RAVER2: variants seen among roughly 807,000 people sequenced by gnomAD.
The protein encoded by RAVER2 is ribonucleoprotein, PTB binding 2.
RAVER2 carries 46 observed loss-of-function variants against 78.1 expected under a neutral mutation model. The ratio of observed to expected loss-of-function variants is 0.59; its 90% CI spans 0.46 to 0.75. The LOEUF (loss-of-function observed/expected upper bound fraction) is 0.75. RAVER2 is among the 30% of genes least tolerant of loss of function. The pLI is 0.00. For missense variants in RAVER2, 793 were observed against 837.5 expected (o/e 0.95, Z 0.66); for synonymous variants, 311 against 313.3 (o/e 0.99, Z 0.08).
At chr1:64,827,260 G>C (rs145709867) in intron 11 of RAVER2, among the ~76,000 whole-genome samples, 15 of 152,318 alleles carry the variant, frequency 9.8e-5, no homozygotes, top group Non-Finnish European at 1.5e-4. Context: ...TGAGAGTGAA[G>C]ATGAGGGTGT....
intron 11 of RAVER2, among the ~76,000 whole-genome samples, chr1:64,823,632 A>G (rs1653937419): frequency 6.6e-6 from 1 of 152,160 alleles, no homozygotes; most frequent in African/African-American, 2.4e-5. Context: ...AAACACCTAA[A>G]TCTAACATCT....
intron 1 of RAVER2, among the ~76,000 whole-genome samples, chr1:64,754,290 T>A (rs574317441): frequency 6.6e-6 from 1 of 152,178 alleles, no homozygotes; most frequent in African/African-American, 2.4e-5. Flanking sequence ...TTATCTCCCA[T>A]TGTATTATAA....
chr1:64,791,456 C>A (rs971594071), intron 5 of RAVER2, among the ~76,000 whole-genome samples: 4 of 152,102 alleles, frequency 2.6e-5, no homozygotes, highest in Non-Finnish European at 4.4e-5. Flanking sequence ...TAATGAGTTA[C>A]CTCAGTAGCA....
intron 5 of RAVER2, among the ~76,000 whole-genome samples, chr1:64,793,190 G>A (rs760617303): frequency 3.6e-4 from 55 of 152,178 alleles, no homozygotes; most frequent in African/African-American, 1.1e-3. Flanking sequence ...GCAACAGAGC[G>A]AGACTCCATC....
At chr1:64,781,259 T>C (rs552256351) in intron 3 of RAVER2, 121 bp from the exon 4 acceptor site, 93 of 870,088 alleles carry the variant, frequency 1.1e-4, no homozygotes, top group Admixed American at 3.5e-4. Context: ...AGAAAGAATA[T>C]GTTATTTCCA....
chr1:64,752,056 G>A (rs1651715676), intron 1 of RAVER2, among the ~76,000 whole-genome samples: 1 of 152,124 alleles, frequency 6.6e-6, no homozygotes, highest in Admixed American at 6.5e-5. Context: ...TTTGGCTGAT[G>A]ATTATGGGCA....
chr1:64,802,555 C>T (rs1392242423), intron 5 of RAVER2, among the ~76,000 whole-genome samples: 1 of 152,058 alleles, frequency 6.6e-6, no homozygotes, highest in East Asian at 1.9e-4. Flanking sequence ...ATTGTCTTCT[C>T]AATTGGATTT....
At position 64,803,080 on chromosome 1, in the gene RAVER2, G is replaced by C; in HGVS notation, c.1191+19G>C. ...ACATCAGGTACATAAATAACATTGAGTACTGAAGCATTAAATATTCGGAGT... is the reference window on the plus strand; with the variant it reads ...ACATCAGGTACATAAATAACATTGACTACTGAAGCATTAAATATTCGGAGT... On this transcript the variant is annotated intron_variant, in intron 6 of 11. Transcript: ENST00000294428. The C allele has an allele frequency of 6.7e-7, 1 of 1,489,866 alleles. No homozygotes were observed. Among genetic ancestry groups the C allele is most frequent in the Non-Finnish European group, 9.3e-7 (1 of 1,075,580 alleles). The allele number at this position is 1,489,866 out of a possible 1,614,324, so 92.3% of individuals were successfully genotyped here.
At chr1:64,746,142 C>A (rs1651531369) in intron 1 of RAVER2, among the ~76,000 whole-genome samples, 1 of 152,076 alleles carries the variant, frequency 6.6e-6, no homozygotes, top group Non-Finnish European at 1.5e-5. Flanking sequence ...AACTCTGCAT[C>A]TATTTAACTT....
chr1:64,794,970 T>C (rs1653056515), intron 5 of RAVER2, among the ~76,000 whole-genome samples: 1 of 152,164 alleles, frequency 6.6e-6, no homozygotes, highest in Non-Finnish European at 1.5e-5. Flanking sequence ...AGGTCTATGA[T>C]CTATTTTGAG....
intron 4 of RAVER2, 116 bp from the exon 5 acceptor site, chr1:64,789,272 T>C (rs1652869567): frequency 2.3e-6 from 2 of 863,968 alleles, no homozygotes; most frequent in South Asian, 2.9e-5. Flanking sequence ...AATCAAATTA[T>C]GTTTATCATA....
chr1:64,762,238 A>T (rs902315911), intron 1 of RAVER2, among the ~76,000 whole-genome samples: 3 of 152,234 alleles, frequency 2.0e-5, no homozygotes, highest in Non-Finnish European at 4.4e-5. Context: ...TCTACACTGA[A>T]GACTATAAAT....
intron 11 of RAVER2, 47 bp downstream of exon 11, chr1:64,814,887 C>T (rs2100889852): frequency 1.4e-6 from 2 of 1,419,948 alleles, no homozygotes; most frequent in Non-Finnish European, 1.9e-6. Flanking sequence ...ATTGGTTCAA[C>T]TATATATTGA....
At position 64,828,572 on chromosome 1, in the gene RAVER2, G is replaced by T. The variant is rs144793840; in HGVS notation, c.1930-2267G>T. Among the ~76,000 whole-genome samples the T allele has an allele frequency of 3.5e-3, 536 of 151,630 alleles. 4 individuals carry two copies. The highest frequency in any genetic ancestry group is 0.012 in the African/African-American group (506 of 41,306). On this transcript the variant is annotated intron_variant, in intron 11 of 11. Transcript: ENST00000294428. ...TCCCCATTCACCAGTCCTTACACTA[G>T]AAGTTAGATATCTTTGATAGGGCGT... is the stretch of plus-strand genomic sequence containing the variant.
intron 9 of RAVER2, among the ~76,000 whole-genome samples, chr1:64,811,308 G>T (rs1401107472): frequency 6.6e-6 from 1 of 152,132 alleles, no homozygotes; most frequent in Admixed American, 6.5e-5. Flanking sequence ...CTCCATGTGA[G>T]CCATTCATCT....
At chr1:64,780,930 A>G (rs576066961) in intron 3 of RAVER2, among the ~76,000 whole-genome samples, 33 of 152,348 alleles carry the variant, frequency 2.2e-4, no homozygotes, top group African/African-American at 7.9e-4. Flanking sequence ...TGAAATAAAA[A>G]TGAAATATTC....
At chr1:64,813,144 C>T (rs1294524738) in intron 10 of RAVER2, among the ~76,000 whole-genome samples, 2 of 152,076 alleles carry the variant, frequency 1.3e-5, no homozygotes, top group Non-Finnish European at 2.9e-5. Context: ...TATGAGCTAC[C>T]AATAATTGGT....
At position 64,776,127 on chromosome 1, in the gene RAVER2, C is replaced by A. The variant is rs188221065; in HGVS notation, c.317-1496C>A. ...TGACCTGAGATTTTATGGGCTGATA[C>A]GAGAATATAACCAGTATTTACAAAC... is the stretch of plus-strand genomic sequence containing the variant. On this transcript the variant is annotated intron_variant, in intron 2 of 11. Coordinates refer to ENST00000294428, the Ensembl canonical transcript of RAVER2. 6.5e-4 allele frequency among the ~76,000 whole-genome samples: 99 copies of A among 151,582 alleles called. 1 individual carries two copies. The highest frequency in any genetic ancestry group is 1.5e-3 in the South Asian group (7 of 4,792).
chr1:64,778,138 T>C, intron 3 of RAVER2, 46 bp downstream of exon 3: 1 of 1,343,212 alleles, frequency 7.4e-7, no homozygotes, highest in Non-Finnish European at 1.0e-6. Flanking sequence ...AATATATACA[T>C]ATGTATCTAA....
Sources: gnomAD v4.1 joint callset for allele counts (sites outside exome capture counted in the v4.1 genomes callset) on GRCh38, gnomAD v4.1.1 for gene constraint, MANE v1.5 for transcripts, NCBI Gene and HGNC (gene_info 2026-07-23, HGNC 2026-07-21) for gene names.